The following MSL2 variants were observed in gnomAD, a reference collection of about 807,000 sequenced individuals.
MSL2 encodes MSL complex subunit 2, also known as E3 ubiquitin-protein ligase MSL2.
MSL2 carries 2 observed loss-of-function variants against 35.8 expected under a neutral mutation model. The observed-to-expected ratio is 0.06, with a 90% CI of 0.02 to 0.18. The LOEUF (loss-of-function observed/expected upper bound fraction) is 0.18. Ranked by LOEUF, MSL2 falls within the 10% of genes least tolerant of loss-of-function variation. The pLI is 1.00. For missense variants in MSL2, 523 were observed against 706.7 expected, an observed-to-expected ratio of 0.74 and a Z score of 2.95; for synonymous variants, 296 against 255.7, an observed-to-expected ratio of 1.16 and a Z score of -1.50.
chr3:136,173,284 A>C (rs1327266610), intron 1 of MSL2, among the ~76,000 whole-genome samples: 1 of 152,164 alleles, frequency 6.6e-6, no homozygotes, highest in Non-Finnish European at 1.5e-5. Context: ...TCTCCAACTC[A>C]AATCTTTCTC....
chr3:136,191,144 T>C (rs771922847), intron 1 of MSL2, among the ~76,000 whole-genome samples: 1 of 152,172 alleles, frequency 6.6e-6, no homozygotes, highest in African/African-American at 2.4e-5. Context: ...TGCCAGACAC[T>C]GAATCTGTAG....
intron 1 of MSL2, among the ~76,000 whole-genome samples, chr3:136,160,597 C>T (rs1005819395): frequency 1.3e-5 from 2 of 151,836 alleles, no homozygotes; most frequent in Admixed American, 6.6e-5. Context: ...GTAGTCCCAG[C>T]TACTCAGGAG....
At chr3:136,160,325 AGGAGGGAAGGAAGGAG>A (rs1193318901) in intron 1 of MSL2, among the ~76,000 whole-genome samples, 7 of 34,304 alleles carry the variant, frequency 2.0e-4, no homozygotes, top group African/African-American at 4.8e-4. Context: ...GAGGGAGGGA[AGGAGGGAAGGAAGGAG>A]GGAGGGAGGG....
chr3:136,149,348 G>A lies in MSL2; in HGVS notation c.*1799C>T, dbSNP rs184919150. ...GGTTCAACACAAAACTGTTACAAAC[G>A]TTAGGTAAATACACGTTTCATAAGA... On this transcript the variant is annotated 3_prime_UTR_variant, in exon 2 of 2. Transcript: ENST00000309993. 9 of 152,356 alleles carry A rather than the reference G, an allele frequency of 5.9e-5. No homozygotes were observed. The highest frequency in any genetic ancestry group is 1.2e-4 in the African/African-American group (5 of 41,404). 9.4% of individuals were successfully genotyped at this position (152,356 alleles called of 1,614,324 possible). A position where few individuals can be genotyped will look rare whatever the true frequency, so the allele number is the denominator to read the frequency against.
At chr3:136,170,975 G>A (rs141831264) in intron 1 of MSL2, among the ~76,000 whole-genome samples, 44 of 152,266 alleles carry the variant, frequency 2.9e-4, no homozygotes, top group African/African-American at 1.0e-3. Context: ...TGTTCAATAT[G>A]TTTGAGAAAG....
chr3:136,188,971 C>T (rs56410811), intron 1 of MSL2, among the ~76,000 whole-genome samples: 1 of 151,402 alleles, frequency 6.6e-6, no homozygotes, highest in South Asian at 2.1e-4. Flanking sequence ...AGTCCTTTCC[C>T]TAAAGCAGTA....
chr3:136,183,679 T>A (rs1182731582), intron 1 of MSL2, among the ~76,000 whole-genome samples: 2 of 152,206 alleles, frequency 1.3e-5, no homozygotes, highest in Non-Finnish European at 2.9e-5. Context: ...TTTAACTATA[T>A]TCCATAAGTT....
intron 1 of MSL2, among the ~76,000 whole-genome samples, chr3:136,184,749 A>T (rs1940465446): frequency 1.3e-5 from 1 of 75,258 alleles, no homozygotes; most frequent in African/African-American, 6.1e-5. Flanking sequence ...AAAAAAAAAA[A>T]AGGGGGGGGG....
At chr3:136,161,997 G>A (rs1357927327) in intron 1 of MSL2, among the ~76,000 whole-genome samples, 1 of 151,798 alleles carries the variant, frequency 6.6e-6, no homozygotes, top group Non-Finnish European at 1.5e-5. Context: ...GAGCACAGTG[G>A]CGTGATCTCG....
At chr3:136,191,312 C>T (rs1177308761) in intron 1 of MSL2, among the ~76,000 whole-genome samples, 2 of 151,804 alleles carry the variant, frequency 1.3e-5, no homozygotes, top group Non-Finnish European at 2.9e-5. Context: ...ACAAAAAATA[C>T]AAAAATTAGC....
At chr3:136,187,608 T>C (rs1344998628) in intron 1 of MSL2, among the ~76,000 whole-genome samples, 1 of 149,710 alleles carries the variant, frequency 6.7e-6, no homozygotes, top group East Asian at 2.0e-4. Context: ...AGATGGACGT[T>C]GCAGTGAGCC....
intron 1 of MSL2, among the ~76,000 whole-genome samples, chr3:136,160,064 G>A (rs1001126724): frequency 1.3e-5 from 2 of 151,850 alleles, no homozygotes; most frequent in African/African-American, 4.8e-5. Context: ...GTGAGGTCAG[G>A]AGTTCAAGAC....
chr3:136,174,974 T>C (rs893951534), intron 1 of MSL2, among the ~76,000 whole-genome samples: 5 of 152,218 alleles, frequency 3.3e-5, no homozygotes, highest in African/African-American at 7.2e-5. Context: ...GGGAATGTAA[T>C]AGCAATAAAC....
intron 1 of MSL2, among the ~76,000 whole-genome samples, chr3:136,159,202 T>C (rs950331738): frequency 6.6e-6 from 1 of 152,044 alleles, no homozygotes; most frequent in South Asian, 2.1e-4. Flanking sequence ...TATAAAGCCA[T>C]AGTAATCAAG....
At chr3:136,177,680 T>TAAAAAAAAAAAAAAAAAAAA (rs397738424) in intron 1 of MSL2, among the ~76,000 whole-genome samples, 2 of 78,500 alleles carry the variant, frequency 2.5e-5, no homozygotes, top group African/African-American at 5.5e-5. Context: ...CTCCGTCTCA[T>TAAAAAAAAAAAAAAAAAAAA]AAAAAAAAAA....
intron 1 of MSL2, among the ~76,000 whole-genome samples, chr3:136,192,064 T>C (rs1250876903): frequency 3.3e-5 from 5 of 152,152 alleles, no homozygotes; most frequent in African/African-American, 1.2e-4. Context: ...CCCTAAAAAG[T>C]TTATTATATG....
At chr3:136,190,419 G>T (rs188402014) in intron 1 of MSL2, among the ~76,000 whole-genome samples, 1 of 152,018 alleles carries the variant, frequency 6.6e-6, no homozygotes, top group African/African-American at 2.4e-5. Context: ...AACCACGTGT[G>T]GTGGCGCACA....
intron 1 of MSL2, among the ~76,000 whole-genome samples, chr3:136,159,066 A>G (rs1209228865): frequency 6.6e-6 from 1 of 152,194 alleles, no homozygotes; most frequent in African/African-American, 2.4e-5. Flanking sequence ...AATCCCAGGC[A>G]GCTTTTTTTC....
At chr3:136,170,508 CT>C (rs71157363) in intron 1 of MSL2, among the ~76,000 whole-genome samples, 1,214 of 81,644 alleles carry the variant, frequency 0.015, 5 homozygotes, top group African/African-American at 0.048. Flanking sequence ...AAACTCTGTC[CT>C]TTTTTTTTTT....
Sources: allele counts gnomAD v4.1 joint callset (sites outside exome capture counted in the v4.1 genomes callset), GRCh38; gene constraint gnomAD v4.1.1; transcripts MANE v1.5; gene names NCBI Gene and HGNC (gene_info 2026-07-23, HGNC 2026-07-21).